ABI1: variants seen among roughly 807,000 people sequenced by gnomAD.
ABI1 encodes abl interactor 1.
In ABI1, 14 loss-of-function variants were observed where a neutral mutation model predicts 54.6. The ratio of observed to expected loss-of-function variants is 0.26; its 90% confidence interval spans 0.17 to 0.40. The LOEUF is 0.40. Ranked by LOEUF, ABI1 falls within the 10% of genes least tolerant of loss-of-function variation. The pLI is 1.00. For missense variants in ABI1, 443 were observed against 598.3 expected, an observed-to-expected ratio of 0.74 and a Z score of 2.71; for synonymous variants, 194 against 209.3, an observed-to-expected ratio of 0.93 and a Z score of 0.63.
In ABI1 at chr10:26,759,220, G is replaced by C; in HGVS notation, c.839C>G (p.Pro280Arg). 1 of 1,614,010 alleles carries C rather than the reference G, an allele frequency of 6.2e-7. No individual in the cohort carries two copies. Among genetic ancestry groups the C allele is most frequent in the Non-Finnish European group, 8.5e-7 (1 of 1,179,956 alleles). Residue 280 changes from proline (P) to arginine (R), a missense_variant, in exon 8 of 11, where the codon CCT (proline) becomes CGT (arginine). Around this residue, in one of 2 missense-constraint regions of ABI1, gnomAD observed 394 missense variants for 484.8 expected, o/e 0.81. Coordinates refer to ENST00000376140, the MANE Select transcript of ABI1 (RefSeq NM_001012750.3). ...TIGPAAPGSA[P>R]GSQYGTMTRQ... ...GGTCATTGTGCCATACTGGGAACCAGGAGCTGAGCCCGGGGCTGCTGAAAA... is the reference window on the plus strand; with the variant it reads ...GGTCATTGTGCCATACTGGGAACCACGAGCTGAGCCCGGGGCTGCTGAAAA...
intron 1 of ABI1, among the ~76,000 whole-genome samples, chr10:26,829,095 A>G (rs898375185): frequency 9.2e-5 from 14 of 152,126 alleles, no homozygotes; most frequent in Admixed American, 3.3e-4. Context: ...GCGCAGTGGC[A>G]GGCGCCTGTA....
At chr10:26,819,590 T>C (rs558887042) in intron 2 of ABI1, among the ~76,000 whole-genome samples, 21 of 152,240 alleles carry the variant, frequency 1.4e-4, no homozygotes, top group African/African-American at 4.1e-4. Flanking sequence ...ATGAGATTTA[T>C]AGACATTCCA....
chr10:26,839,017 G>T (rs1483851370), intron 1 of ABI1, among the ~76,000 whole-genome samples: 1 of 152,190 alleles, frequency 6.6e-6, no homozygotes, highest in African/African-American at 2.4e-5. Flanking sequence ...TTCACTGGGA[G>T]GGTAAAGAGC....
intron 1 of ABI1, among the ~76,000 whole-genome samples, chr10:26,825,214 T>G (rs754942376): frequency 2.0e-5 from 3 of 152,228 alleles, no homozygotes; most frequent in Admixed American, 2.0e-4. Context: ...TTACCCTCAG[T>G]AGAACTTCTT....
intron 4 of ABI1, 24 bp from the exon 5 acceptor site, chr10:26,770,369 T>C (rs182533736): frequency 6.3e-5 from 100 of 1,589,912 alleles, no homozygotes; most frequent in Non-Finnish European, 8.4e-5. Context: ...AGAAATGCTT[T>C]TATTTTTATA....
intron 1 of ABI1, 70 bp from the exon 2 acceptor site, chr10:26,823,375 G>A: frequency 8.4e-7 from 1 of 1,189,398 alleles, no homozygotes; most frequent in Non-Finnish European, 1.1e-6. Flanking sequence ...TCTATAGAAA[G>A]GCAAAGTTAT....
At chr10:26,781,494 C>G (rs575170754) in intron 2 of ABI1, among the ~76,000 whole-genome samples, 2 of 152,336 alleles carry the variant, frequency 1.3e-5, no homozygotes, top group South Asian at 4.1e-4. Context: ...TTCAACTAAG[C>G]TGAGACGCTG....
intron 1 of ABI1, among the ~76,000 whole-genome samples, chr10:26,826,481 G>T (rs1588997191): frequency 6.6e-6 from 1 of 152,254 alleles, no homozygotes; most frequent in East Asian, 1.9e-4. Flanking sequence ...TTTTCAGCAT[G>T]GCAAATGAGC....
intron 1 of ABI1, among the ~76,000 whole-genome samples, chr10:26,843,467 AAAAAAAAAAAAAAAAAAAATATATAT>A (rs1273041856): frequency 0.039 from 3,194 of 81,726 alleles, 49 homozygotes; most frequent in African/African-American, 0.061. Flanking sequence ...AAAAAAAAAA[AAAAAAAAAAAAAAAAAAAATATATAT>A]ATATATATAT....
chr10:26,756,184 T>C (rs1334698169), intron 8 of ABI1, among the ~76,000 whole-genome samples: 1 of 152,202 alleles, frequency 6.6e-6, no homozygotes, highest in Non-Finnish European at 1.5e-5. Context: ...GGTAATGTTG[T>C]AAATTAGGAC....
At position 26,748,760 on chromosome 10, in the gene ABI1, G is replaced by A. The variant is rs372879838; in HGVS notation, c.1271-15C>T. On this transcript the variant is annotated splice_polypyrimidine_tract_variant and intron_variant, in intron 10 of 10. Coordinates refer to ENST00000376140, the MANE Select transcript of ABI1 (RefSeq NM_001012750.3). ...TATTGCAACAACTATGGAAAAAACA[G>A]TTGAAATATCACATGAGTGCACTAT... 3.1e-6 allele frequency: 5 copies of A among 1,595,802 alleles called. No homozygotes were observed. The African/African-American group carries it at 6.7e-5, about 21-fold the overall frequency.
At chr10:26,822,921 C>A (rs973718358) in intron 2 of ABI1, among the ~76,000 whole-genome samples, 1 of 152,118 alleles carries the variant, frequency 6.6e-6, no homozygotes, top group Non-Finnish European at 1.5e-5. Context: ...GAATTATACA[C>A]TTAAAAATGG....
At chr10:26,830,793 G>A (rs2048620138) in intron 1 of ABI1, among the ~76,000 whole-genome samples, 1 of 152,108 alleles carries the variant, frequency 6.6e-6, no homozygotes, top group Non-Finnish European at 1.5e-5. Context: ...GTATATAGTG[G>A]TATCTCATTA....
chr10:26,821,104 G>A (rs982198028), intron 2 of ABI1, among the ~76,000 whole-genome samples: 2 of 151,380 alleles, frequency 1.3e-5, no homozygotes, highest in African/African-American at 4.9e-5. Context: ...AGTTCACTGG[G>A]CGTGGTGAGG....
intron 2 of ABI1, among the ~76,000 whole-genome samples, chr10:26,801,601 GC>G (rs2046568186): frequency 6.6e-6 from 1 of 151,680 alleles, no homozygotes. Flanking sequence ...GGCAATGAGA[GC>G]ATCATACCAG....
At chr10:26,836,230 A>G (rs1564563500) in intron 1 of ABI1, among the ~76,000 whole-genome samples, 1 of 152,040 alleles carries the variant, frequency 6.6e-6, no homozygotes, top group South Asian at 2.1e-4. Context: ...CTCCTGCCTC[A>G]GCCTCCCGAG....
chr10:26,750,215 A>C (rs1446182029), intron 10 of ABI1, among the ~76,000 whole-genome samples: 2 of 152,218 alleles, frequency 1.3e-5, no homozygotes, highest in African/African-American at 4.8e-5. Context: ...TTAAAAATAT[A>C]AGGCCACGCT....
chr10:26,847,700 C>T (rs1285805538), intron 1 of ABI1, among the ~76,000 whole-genome samples: 1 of 151,776 alleles, frequency 6.6e-6, no homozygotes, highest in Non-Finnish European at 1.5e-5. Context: ...CTTCTCAAAC[C>T]TTTTAAAAGA....
intron 1 of ABI1, among the ~76,000 whole-genome samples, chr10:26,838,647 T>C (rs751183428): frequency 6.6e-6 from 1 of 152,150 alleles, no homozygotes; most frequent in Non-Finnish European, 1.5e-5. Flanking sequence ...AAACATCACT[T>C]CAGCTGCAGT....
Sources: gnomAD v4.1 joint callset for allele counts (sites outside exome capture counted in the v4.1 genomes callset) on GRCh38, gnomAD v4.1.1 for gene constraint, gnomAD v4.1.1 regional missense constraint, MANE v1.5 for transcripts, NCBI Gene and HGNC (gene_info 2026-07-23, HGNC 2026-07-21) for gene names.